The following MCF2L variants were observed in gnomAD, a reference collection of about 807,000 sequenced individuals.
MCF2L encodes MCF.2 cell line derived transforming sequence like, also known as guanine nucleotide exchange factor DBS.
MCF2L carries 97 observed loss-of-function variants against 153.4 expected under a neutral mutation model. The ratio of observed to expected loss-of-function variants is 0.63; its 90% CI spans 0.54 to 0.75. The LOEUF is 0.75. Ranked by LOEUF, MCF2L falls within the 30% of genes least tolerant of loss-of-function variation. The pLI, the probability that MCF2L is intolerant of heterozygous loss-of-function variation, is 0.00. For synonymous variants in MCF2L, 659 were observed against 632.2 expected (o/e 1.04, Z -0.64); for missense variants, 1,347 against 1,495.2 (o/e 0.90, Z 1.64).
At chr13:113,061,821 TCTTTTCTCTCCCCTC>T (rs1269305976) in intron 5 of MCF2L, among the ~76,000 whole-genome samples, 13 of 26,724 alleles carry the variant, frequency 4.9e-4, no homozygotes, top group African/African-American at 6.6e-4. Flanking sequence ...CCCCTTCCCC[TCTTTTCTCTCCCCTC>T]CCCCTCCCTC....
At position 113,077,041 on chromosome 13, in the gene MCF2L, T is replaced by C. The variant is rs769801585; in HGVS notation, c.1501-11T>C. ...CATGTGCAAGGCACCTTACTGAGCA[T>C]GCGGTTTCAGGAGCACGTGCGAAAG... On this transcript the variant is annotated splice_polypyrimidine_tract_variant and intron_variant, in intron 12 of 29. Coordinates refer to ENST00000535094, the MANE Select transcript of MCF2L (RefSeq NM_001112732.3). The C allele has an allele frequency of 1.2e-6, 2 of 1,606,060 alleles. No individual in the cohort carries two copies. The highest frequency in any genetic ancestry group is 1.7e-6 in the Non-Finnish European group (2 of 1,175,152).
intron 2 of MCF2L, among the ~76,000 whole-genome samples, chr13:112,915,131 C>T (rs984277451): frequency 1.3e-5 from 2 of 151,918 alleles, no homozygotes; most frequent in East Asian, 1.9e-4. Flanking sequence ...CCATGTTGGC[C>T]GGGCGTGGTG....
chr13:112,968,606 C>A, upstream of MCF2L: 1 of 1,533,936 alleles, frequency 6.5e-7, no homozygotes, highest in East Asian at 2.5e-5. Flanking sequence ...CAGCGACCCA[C>A]GGACCTGCTT....
chr13:113,052,179 A>T (rs2087382532), intron 4 of MCF2L, among the ~76,000 whole-genome samples: 1 of 152,234 alleles, frequency 6.6e-6, no homozygotes, highest in Non-Finnish European at 1.5e-5. Context: ...CCGTAAGTAG[A>T]TACAATCATG....
chr13:112,985,268 G>C, intron 1 of MCF2L: 1 of 391,168 alleles, frequency 2.6e-6, no homozygotes, highest in Non-Finnish European at 5.3e-6. Context: ...AAAGCCAGCT[G>C]GTCCCTCATG....
intron 4 of MCF2L, among the ~76,000 whole-genome samples, chr13:113,060,098 C>T (rs1453567797): frequency 6.6e-6 from 1 of 152,142 alleles, no homozygotes; most frequent in Non-Finnish European, 1.5e-5. Context: ...AGCTTCTGGT[C>T]TGGCTGCCTC....
upstream of MCF2L, chr13:112,968,482 C>T: frequency 6.3e-7 from 1 of 1,588,266 alleles, no homozygotes; most frequent in Non-Finnish European, 8.5e-7. Context: ...GGGTGGAGAG[C>T]CCCGTGCCTG....
chr13:112,919,961 T>C (rs1232126542), intron 2 of MCF2L, among the ~76,000 whole-genome samples: 1 of 152,228 alleles, frequency 6.6e-6, no homozygotes, highest in Non-Finnish European at 1.5e-5. Flanking sequence ...TCTTTCCTTC[T>C]TTTCTTATGG....
chr13:112,930,891 C>T (rs2081455815), intron 2 of MCF2L, among the ~76,000 whole-genome samples: 2 of 152,148 alleles, frequency 1.3e-5, no homozygotes, highest in South Asian at 4.2e-4. Context: ...GAGCCAAGAT[C>T]ACGCCATTGC....
intron 1 of MCF2L, among the ~76,000 whole-genome samples, chr13:112,982,390 G>A (rs991984255): frequency 6.6e-5 from 10 of 152,214 alleles, no homozygotes; most frequent in African/African-American, 9.6e-5. Context: ...TGGAGCCTGC[G>A]GACTGCAGGA....
chr13:112,937,099 G>A (rs1310211671), intron 2 of MCF2L, among the ~76,000 whole-genome samples: 1 of 152,030 alleles, frequency 6.6e-6, no homozygotes, highest in African/African-American at 2.4e-5. Context: ...TGTCCCCCAG[G>A]CTGGAGTACA....
At chr13:113,058,697 A>G (rs2030759655) in intron 4 of MCF2L, among the ~76,000 whole-genome samples, 1 of 103,884 alleles carries the variant, frequency 9.6e-6, no homozygotes, top group Non-Finnish European at 1.9e-5. Context: ...GTGGGCACTG[A>G]ATGGGCGCTG....
At chr13:112,894,754 T>C (rs1488537989) in intron 1 of MCF2L, among the ~76,000 whole-genome samples, 2 of 152,006 alleles carry the variant, frequency 1.3e-5, no homozygotes, top group Non-Finnish European at 2.9e-5. Flanking sequence ...CCCCGGCAGG[T>C]GTCACCCCCT....
In MCF2L at chr13:112,983,838, TC is replaced by T. The variant is rs1276339830; in HGVS notation, c.79+14384del. Among the ~76,000 whole-genome samples, 1 of 152,140 alleles carries T rather than the reference TC, an allele frequency of 6.6e-6. No individual in the cohort carries two copies. Among genetic ancestry groups the T allele is most frequent in the Non-Finnish European group, 1.5e-5 (1 of 68,030 alleles). On this transcript the variant is annotated intron_variant, in intron 1 of 29. Coordinates refer to ENST00000535094, the MANE Select transcript of MCF2L (RefSeq NM_001112732.3). This position sits in a 1 kb window ranked among gnomAD's most constrained non-coding sequence, Gnocchi z 4.0. ...TTCTGCATCTCTGTGGACAGACCTC[TC>T]CCCGTGCTGCAGCTGTTTTCCTTGG...
Position 112,904,040 on chromosome 13 carries a change from C to G in MCF2L, c.169+1669C>G, listed in dbSNP as rs1049893331. ...TCAGCTTGGCTGTGAATTAACTGCC[C>G]GTGGCCACTCAGAACCTCGGACTGG... is the stretch of plus-strand genomic sequence containing the variant. On this transcript the variant is annotated intron_variant, in intron 2 of 29. Transcript: ENST00000375608. The surrounding 1 kb of genome is among the most constrained non-coding windows in gnomAD (Gnocchi z 4.2). Among the ~76,000 whole-genome samples the G allele has an allele frequency of 6.6e-6, 1 of 152,120 alleles. No individual in the cohort carries two copies. The highest frequency in any genetic ancestry group is 2.1e-4 in the South Asian group (1 of 4,830).
At chr13:113,006,589 C>T (rs912785838) in intron 1 of MCF2L, among the ~76,000 whole-genome samples, 3 of 152,214 alleles carry the variant, frequency 2.0e-5, no homozygotes, top group Non-Finnish European at 2.9e-5. Context: ...GCCTCTGAAC[C>T]GGAAAGGCGC....
At chr13:113,019,358 G>C (rs373815537) in intron 2 of MCF2L, among the ~76,000 whole-genome samples, 26 of 152,140 alleles carry the variant, frequency 1.7e-4, no homozygotes, top group African/African-American at 6.0e-4. Context: ...AAGGCCCGAC[G>C]GCTGCTCCAA....
intron 1 of MCF2L, among the ~76,000 whole-genome samples, chr13:112,984,152 C>T (rs776416780): frequency 2.6e-5 from 4 of 152,198 alleles, no homozygotes; most frequent in Non-Finnish European, 5.9e-5. Flanking sequence ...CAGGGTCCAC[C>T]TGTGCTGCCC....
At chr13:113,003,983 C>T (rs1482777591) in intron 1 of MCF2L, among the ~76,000 whole-genome samples, 1 of 152,296 alleles carries the variant, frequency 6.6e-6, no homozygotes, top group Non-Finnish European at 1.5e-5. Flanking sequence ...GAGAGGTCAC[C>T]GTGGTACAGT....
Sources: gnomAD v4.1 joint callset for allele counts (sites outside exome capture counted in the v4.1 genomes callset) on GRCh38, gnomAD v4.1.1 for gene constraint, Gnocchi (gnomAD v3.1) non-coding constraint, MANE v1.5 for transcripts, NCBI Gene and HGNC (gene_info 2026-07-23, HGNC 2026-07-21) for gene names.